The following DLG2 variants were observed in gnomAD, a reference collection of about 807,000 sequenced individuals.
DLG2 encodes the protein disks large homolog 2.
A neutral mutation model predicts 132.5 loss-of-function variants in DLG2; 45 were observed. That is an observed-to-expected ratio of 0.34 (90% CI 0.27 to 0.44). The LOEUF (loss-of-function observed/expected upper bound fraction) is 0.44, where lower values mean the gene tolerates loss of function less well. DLG2 is among the 20% of genes least tolerant of loss of function. The pLI, the probability that DLG2 is intolerant of heterozygous loss-of-function variation, is 1.00. For missense variants in DLG2, 1,045 were observed against 1,196.9 expected (o/e 0.87, Z 1.87); for synonymous variants, 424 against 419.6 (o/e 1.01, Z -0.13).
intron 9 of DLG2, among the ~76,000 whole-genome samples, chr11:84,159,853 T>C (rs1401019289): frequency 1.3e-5 from 2 of 152,136 alleles, no homozygotes; most frequent in African/African-American, 4.8e-5. Flanking sequence ...TATATTTTCA[T>C]GGTAGCACAA....
chr11:84,148,254 T>TG (rs2095162327), intron 9 of DLG2, among the ~76,000 whole-genome samples: 1 of 152,172 alleles, frequency 6.6e-6, no homozygotes, highest in Non-Finnish European at 1.5e-5. Flanking sequence ...AGGGGACATG[T>TG]GCAGGTTTGT....
At chr11:84,714,093 T>A (rs1037402826) in intron 6 of DLG2, among the ~76,000 whole-genome samples, 2 of 152,016 alleles carry the variant, frequency 1.3e-5, no homozygotes, top group African/African-American at 4.8e-5. Context: ...TCTAGTCCTC[T>A]GAAACAAAAA....
intron 22 of DLG2, among the ~76,000 whole-genome samples, chr11:83,473,991 T>G (rs1272336202): frequency 6.6e-6 from 1 of 152,076 alleles, no homozygotes; most frequent in Non-Finnish European, 1.5e-5. Flanking sequence ...TCTTACTTTT[T>G]CAAGTGTGAG....
chr11:83,592,916 G>T (rs1242131181), intron 19 of DLG2, among the ~76,000 whole-genome samples: 1 of 148,778 alleles, frequency 6.7e-6, no homozygotes, highest in African/African-American at 2.5e-5. Flanking sequence ...CTGGCCATCA[G>T]AGAAATGCAA....
At chr11:84,686,647 T>C (rs1199908122) in intron 6 of DLG2, among the ~76,000 whole-genome samples, 2 of 150,958 alleles carry the variant, frequency 1.3e-5, no homozygotes, top group Non-Finnish European at 3.0e-5. Context: ...TTTTTTTTTT[T>C]TTTTTATGCT....
chr11:84,041,189 T>C (rs1435183110), intron 11 of DLG2, among the ~76,000 whole-genome samples: 1 of 152,000 alleles, frequency 6.6e-6, no homozygotes, highest in Non-Finnish European at 1.5e-5. Flanking sequence ...AATACAATTA[T>C]TGTAGCTATT....
intron 3 of DLG2, among the ~76,000 whole-genome samples, chr11:85,523,007 G>A (rs189041054): frequency 9.3e-4 from 142 of 152,254 alleles, no homozygotes; most frequent in African/African-American, 3.2e-3. Flanking sequence ...AGGAGACAGG[G>A]GCAGAATGAT....
intron 8 of DLG2, among the ~76,000 whole-genome samples, chr11:84,197,036 C>CAAAAAAAAAAAAAAAAAAAAAAAAAAAAA (rs60877284): frequency 1.1e-5 from 1 of 87,936 alleles, no homozygotes. Flanking sequence ...GACTCTTTCT[C>CAAAAAAAAAAAAAAAAAAAAAAAAAAAAA]AAAAAAAAAA....
chr11:84,006,620 G>A (rs1048112776), intron 11 of DLG2, among the ~76,000 whole-genome samples: 1 of 151,426 alleles, frequency 6.6e-6, no homozygotes, highest in Admixed American at 6.6e-5. Flanking sequence ...TTCTATGCAT[G>A]TAACAAAATA....
rs1157577190 is a variant in DLG2, at chr11:83,456,322, C to CTCCA, written c.*3492_*3495dup. 1 of 152,830 alleles carries CTCCA rather than the reference C, an allele frequency of 6.5e-6. No individual in the cohort carries two copies. Among genetic ancestry groups the CTCCA allele is most frequent in the African/African-American group, 2.4e-5 (1 of 41,454 alleles). 9.5% of individuals were successfully genotyped at this position (152,830 alleles called of 1,614,324 possible). On this transcript the variant is annotated 3_prime_UTR_variant, in exon 28 of 28. Coordinates refer to ENST00000376104, the MANE Select transcript of DLG2 (RefSeq NM_001142699.3). ...GCTCCGGGAGGCGGGCTGGAGCAGG[C>CTCCA]TCCAGGTCAGGGCCTCACGCTCAGC...
Position 85,554,569 on chromosome 11 carries a change from T to G in DLG2, c.40+44088A>C, listed in dbSNP as rs567269701. 2.3e-4 allele frequency among the ~76,000 whole-genome samples: 35 copies of G among 151,810 alleles called. 1 individual carries two copies. Among genetic ancestry groups the G allele is most frequent in the Non-Finnish European group, 4.1e-4 (28 of 67,872 alleles). On this transcript the variant is annotated intron_variant, in intron 3 of 27. Coordinates refer to ENST00000376104, the MANE Select transcript of DLG2 (RefSeq NM_001142699.3). ...GGAAGAATTTAGTTCATAGCTTGGC[T>G]TTGAAGGAAGGAAGACAACAGTCCC...
chr11:85,291,573 G>C (rs1007913973), intron 3 of DLG2, among the ~76,000 whole-genome samples: 3 of 141,298 alleles, frequency 2.1e-5, no homozygotes, highest in Non-Finnish European at 4.5e-5. Flanking sequence ...AAAATCACCT[G>C]AGGATTCTCT....
chr11:83,472,186 A>G (rs919667), intron 23 of DLG2, among the ~76,000 whole-genome samples: 104,182 of 152,026 alleles, frequency 0.69, 36,621 homozygotes, highest in African/African-American at 0.83. Context: ...ACTTTGCTAC[A>G]GTTTCTAGAT....
At chr11:85,600,561 C>A (rs1177021267) in intron 2 of DLG2, among the ~76,000 whole-genome samples, 1 of 152,150 alleles carries the variant, frequency 6.6e-6, no homozygotes, top group East Asian at 1.9e-4. Context: ...ATTGTAAATT[C>A]CATTAGTCAG....
Position 84,265,494 on chromosome 11 carries a change from T to G in DLG2, c.520-14203A>C, listed in dbSNP as rs147070895. Among the ~76,000 whole-genome samples, 412 of 152,254 alleles carry G rather than the reference T, an allele frequency of 2.7e-3. 2 individuals carry two copies. Among genetic ancestry groups the G allele is most frequent in the African/African-American group, 8.8e-3 (365 of 41,552 alleles). On this transcript the variant is annotated intron_variant, in intron 7 of 27. Coordinates refer to ENST00000376104, the MANE Select transcript of DLG2 (RefSeq NM_001142699.3). ...AATCAGAATAAAAACTGAACTCGGA[T>G]TTTAGTCCTACTACATTATGTCTTA...
chr11:83,729,052 T>C (rs567026783), intron 18 of DLG2, among the ~76,000 whole-genome samples: 4 of 152,336 alleles, frequency 2.6e-5, no homozygotes, highest in East Asian at 3.9e-4. Flanking sequence ...TGTGAAGATA[T>C]CTTAATAAAT....
chr11:84,277,560 T>C (rs2154368163), intron 7 of DLG2, among the ~76,000 whole-genome samples: 1 of 152,290 alleles, frequency 6.6e-6, no homozygotes, highest in Admixed American at 6.5e-5. Flanking sequence ...TTTGCTGGAT[T>C]CCCTTAAAGC....
At chr11:85,145,622 C>A in intron 5 of DLG2, among the ~76,000 whole-genome samples, 2 of 152,022 alleles carry the variant, frequency 1.3e-5, no homozygotes, top group Admixed American at 1.3e-4. Flanking sequence ...GATTCGAAAG[C>A]ATTTTTCATT....
At chr11:83,526,998 A>G (rs1412151250) in intron 21 of DLG2, among the ~76,000 whole-genome samples, 1 of 152,192 alleles carries the variant, frequency 6.6e-6, no homozygotes, top group Non-Finnish European at 1.5e-5. Context: ...CACATTACTT[A>G]TCAAGCTGCC....
Sources: gnomAD v4.1 joint callset for allele counts (sites outside exome capture counted in the v4.1 genomes callset) on GRCh38, gnomAD v4.1.1 for gene constraint, MANE v1.5 for transcripts, NCBI Gene and HGNC (gene_info 2026-07-23, HGNC 2026-07-21) for gene names.